PARD3B: variants seen among roughly 807,000 people sequenced by gnomAD.
PARD3B encodes the protein partitioning defective 3 homolog B.
PARD3B carries 103 observed loss-of-function variants against 130.2 expected under a neutral mutation model. The observed-to-expected ratio is 0.79, with a 90% CI of 0.67 to 0.93. PARD3B has a LOEUF of 0.93. PARD3B is among the 40% of genes least tolerant of loss of function. The pLI is 0.00. For missense variants in PARD3B, 1,609 were observed against 1,499.2 expected, an observed-to-expected ratio of 1.07 and a Z score of -1.21; for synonymous variants, 583 against 553.2, an observed-to-expected ratio of 1.05 and a Z score of -0.76.
At chr2:204,766,618 G>A (rs148165451) in intron 2 of PARD3B, among the ~76,000 whole-genome samples, 1 of 152,016 alleles carries the variant, frequency 6.6e-6, no homozygotes, top group East Asian at 1.9e-4. Flanking sequence ...AGAATAGCTA[G>A]CATATTGGTG....
chr2:204,954,383 CCAGTTGCT>C (rs1464790274), intron 2 of PARD3B, among the ~76,000 whole-genome samples: 3 of 152,170 alleles, frequency 2.0e-5, no homozygotes, highest in Admixed American at 2.0e-4. Flanking sequence ...GTAGCCTCCA[CCAGTTGCT>C]CAGCTGTCAT....
intron 2 of PARD3B, among the ~76,000 whole-genome samples, chr2:204,806,998 TG>T (rs781296162): frequency 6.6e-6 from 1 of 152,152 alleles, no homozygotes; most frequent in South Asian, 2.1e-4. Context: ...TCTATATGTC[TG>T]GGGAGGCTTC....
chr2:204,775,174 C>A (rs188047347), intron 2 of PARD3B, among the ~76,000 whole-genome samples: 97 of 152,040 alleles, frequency 6.4e-4, no homozygotes, highest in African/African-American at 2.1e-3. Flanking sequence ...TAACTTTGTT[C>A]GTAAATACGG....
At chr2:204,622,132 G>T (rs944148779) in intron 1 of PARD3B, among the ~76,000 whole-genome samples, 3 of 152,184 alleles carry the variant, frequency 2.0e-5, no homozygotes, top group African/African-American at 7.2e-5. Context: ...TTCAGTTTAG[G>T]TTCTACCTTT....
intron 4 of PARD3B, among the ~76,000 whole-genome samples, chr2:205,095,271 C>T (rs995035945): frequency 3.2e-4 from 49 of 151,866 alleles, no homozygotes; most frequent in African/African-American, 1.2e-3. Context: ...GGAAAGAATC[C>T]AATTATAAAT....
intron 20 of PARD3B, among the ~76,000 whole-genome samples, chr2:205,489,493 GTGTGTATA>G (rs796785549): frequency 5.6e-4 from 39 of 70,012 alleles, no homozygotes; most frequent in South Asian, 2.0e-3. Flanking sequence ...ACATATATAT[GTGTGTATA>G]TATATATACG....
chr2:204,573,452 A>T (rs1275405224), intron 1 of PARD3B, among the ~76,000 whole-genome samples: 1 of 152,156 alleles, frequency 6.6e-6, no homozygotes, highest in African/African-American at 2.4e-5. Context: ...CTTAGCAGTG[A>T]TGTCATTGAG....
At chr2:205,308,881 A>G (rs2042279045) in intron 18 of PARD3B, among the ~76,000 whole-genome samples, 1 of 152,184 alleles carries the variant, frequency 6.6e-6, no homozygotes. Flanking sequence ...TACGATTCCA[A>G]ATTGTAGTAG....
chr2:205,389,532 T>G (rs948795616), intron 18 of PARD3B, among the ~76,000 whole-genome samples: 4 of 152,034 alleles, frequency 2.6e-5, no homozygotes, highest in Non-Finnish European at 5.9e-5. Context: ...CCAGCTAATT[T>G]TTGTATTTTT....
chr2:205,582,562 G>C (rs968071549), intron 22 of PARD3B, among the ~76,000 whole-genome samples: 3 of 152,070 alleles, frequency 2.0e-5, no homozygotes, highest in East Asian at 1.9e-4. Flanking sequence ...TGATTCCTTT[G>C]GGAATTTTTT....
intron 15 of PARD3B, among the ~76,000 whole-genome samples, chr2:205,231,749 T>C (rs1005116944): frequency 1.3e-5 from 2 of 152,102 alleles, no homozygotes; most frequent in African/African-American, 4.8e-5. Context: ...GAGCTATGAG[T>C]CAGGGAAAGC....
chr2:204,753,932 G>T (rs566803006), intron 2 of PARD3B, among the ~76,000 whole-genome samples: 3 of 152,184 alleles, frequency 2.0e-5, no homozygotes, highest in Non-Finnish European at 4.4e-5. Flanking sequence ...AATTGGTGCA[G>T]TGTTATTAAG....
At chr2:204,702,898 C>A (rs2037962245) in intron 2 of PARD3B, among the ~76,000 whole-genome samples, 1 of 151,954 alleles carries the variant, frequency 6.6e-6, no homozygotes, top group Non-Finnish European at 1.5e-5. Context: ...TGTTTTTTTT[C>A]TTGTTCAATT....
At chr2:205,057,717 G>C (rs182978542) in intron 4 of PARD3B, among the ~76,000 whole-genome samples, 1 of 105,226 alleles carries the variant, frequency 9.5e-6, no homozygotes, top group African/African-American at 3.3e-5. Flanking sequence ...ATGTGTATAC[G>C]TATATATACA....
chr2:205,296,524 G>C (rs929761072), intron 16 of PARD3B, among the ~76,000 whole-genome samples: 1 of 152,122 alleles, frequency 6.6e-6, no homozygotes. Context: ...AGCATCTTAA[G>C]AATCAGTTTC....
At chr2:204,882,043 T>C (rs1288662938) in intron 2 of PARD3B, among the ~76,000 whole-genome samples, 1 of 152,168 alleles carries the variant, frequency 6.6e-6, no homozygotes, top group Non-Finnish European at 1.5e-5. Context: ...CTTACACATG[T>C]ATGCTTCCTT....
intron 2 of PARD3B, among the ~76,000 whole-genome samples, chr2:204,908,996 C>T (rs2047135854): frequency 6.6e-6 from 1 of 152,088 alleles, no homozygotes; most frequent in South Asian, 2.1e-4. Flanking sequence ...TTCATACTAT[C>T]AATAGTGTCC....
intron 21 of PARD3B, among the ~76,000 whole-genome samples, chr2:205,551,764 T>C (rs886257203): frequency 4.6e-5 from 7 of 152,188 alleles, no homozygotes; most frequent in African/African-American, 1.7e-4. Flanking sequence ...GCCGGGACTT[T>C]TGGTAAGAAG....
chr2:204,997,368 A>T (rs1395059518), intron 3 of PARD3B, among the ~76,000 whole-genome samples: 1 of 152,260 alleles, frequency 6.6e-6, no homozygotes, highest in African/African-American at 2.4e-5. Flanking sequence ...GAGTCTTCAC[A>T]TGAATGAACA....
Sources: allele counts gnomAD v4.1 joint callset (sites outside exome capture counted in the v4.1 genomes callset), GRCh38; gene constraint gnomAD v4.1.1; transcripts MANE v1.5; gene names NCBI Gene and HGNC (gene_info 2026-07-23, HGNC 2026-07-21).